Variants in NBEA observed in about 807,000 individuals in gnomAD.
NBEA encodes the protein lysosomal-trafficking regulator 2.
In NBEA, 44 loss-of-function variants were observed where a neutral mutation model predicts 343.4. The ratio of observed to expected loss-of-function variants is 0.13; its 90% CI spans 0.10 to 0.16. NBEA has a LOEUF of 0.16. Ranked by LOEUF, NBEA falls within the 10% of genes least tolerant of loss-of-function variation. The pLI is 1.00. For synonymous variants in NBEA, 1,175 were observed against 1,238.7 expected, an observed-to-expected ratio of 0.95 and a Z score of 1.08; for missense variants, 2,555 against 3,631.3, an observed-to-expected ratio of 0.70 and a Z score of 7.62.
chr13:35,530,054 C>T (rs900645402), intron 41 of NBEA, among the ~76,000 whole-genome samples: 1 of 152,194 alleles, frequency 6.6e-6, no homozygotes, highest in Admixed American at 6.5e-5. Flanking sequence ...TTTCTTTACT[C>T]TGTGTTCATA....
chr13:35,066,261 A>C (rs1190202982), intron 8 of NBEA, among the ~76,000 whole-genome samples: 3 of 152,192 alleles, frequency 2.0e-5, no homozygotes, highest in South Asian at 4.1e-4. Flanking sequence ...GAGCCCAGCT[A>C]TGTGTACTTT....
intron 49 of NBEA, among the ~76,000 whole-genome samples, chr13:35,634,174 C>A (rs2083594375): frequency 6.6e-6 from 1 of 152,094 alleles, no homozygotes; most frequent in African/African-American, 2.4e-5. Context: ...GAAACCCCAT[C>A]TCTACTAAAA....
chr13:35,523,544 G>A (rs1236495961), intron 41 of NBEA, among the ~76,000 whole-genome samples: 1 of 152,152 alleles, frequency 6.6e-6, no homozygotes, highest in African/African-American at 2.4e-5. Flanking sequence ...AGCTTAAAGT[G>A]GGAATTATGA....
chr13:35,314,511 C>G (rs1034067670), intron 36 of NBEA, among the ~76,000 whole-genome samples: 2 of 152,034 alleles, frequency 1.3e-5, no homozygotes, highest in African/African-American at 4.8e-5. Context: ...CAATTTTTCC[C>G]TGATTTATAT....
intron 38 of NBEA, among the ~76,000 whole-genome samples, chr13:35,426,873 C>T (rs1398219002): frequency 6.6e-6 from 1 of 152,128 alleles, no homozygotes; most frequent in East Asian, 1.9e-4. Context: ...CTAAACTTCT[C>T]GCTTCATTTC....
intron 11 of NBEA, among the ~76,000 whole-genome samples, chr13:35,102,585 A>G (rs1336473652): frequency 6.6e-6 from 1 of 151,516 alleles, no homozygotes; most frequent in Non-Finnish European, 1.5e-5. Context: ...TGTCTTTTTG[A>G]TGGATTTATT....
chr13:35,192,669 ACTAT>A (rs1184971807), intron 30 of NBEA, among the ~76,000 whole-genome samples: 2 of 151,994 alleles, frequency 1.3e-5, no homozygotes, highest in African/African-American at 4.8e-5. Flanking sequence ...TGAAGTTTCA[ACTAT>A]CTAGTTAGAA....
chr13:35,304,663 T>G (rs1435480824), intron 35 of NBEA, among the ~76,000 whole-genome samples: 2 of 152,198 alleles, frequency 1.3e-5, no homozygotes, highest in African/African-American at 4.8e-5. Flanking sequence ...TTTGACAGTC[T>G]GTTACCCTGC....
intron 1 of NBEA, among the ~76,000 whole-genome samples, chr13:34,945,942 C>G (rs773037303): frequency 2.6e-5 from 4 of 152,080 alleles, no homozygotes; most frequent in Non-Finnish European, 5.9e-5. Flanking sequence ...TCCCAAAGGT[C>G]TAGAGACCTA....
intron 1 of NBEA, among the ~76,000 whole-genome samples, chr13:34,998,903 T>G (rs1844346163): frequency 6.6e-6 from 1 of 152,120 alleles, no homozygotes; most frequent in African/African-American, 2.4e-5. Flanking sequence ...GGGGAAGTGA[T>G]AAGTGTCCAT....
chr13:35,074,485 A>G (rs2064023347), intron 10 of NBEA, among the ~76,000 whole-genome samples: 1 of 152,198 alleles, frequency 6.6e-6, no homozygotes, highest in Admixed American at 6.6e-5. Context: ...CAAACAATTA[A>G]AAATACACCA....
rs187498862 is a variant in NBEA at position 35,160,130 on chromosome 13, A to G, written c.3861+98A>G. The G allele has an allele frequency of 9.7e-5, 106 of 1,093,228 alleles. No individual in the cohort carries two copies. In the East Asian group the frequency reaches 1.4e-3, roughly 15 times the overall value. 67.7% of individuals were successfully genotyped at this position (1,093,228 alleles called of 1,614,324 possible). ...ATTTCTTATCAGTTACTTCATGTTT[A>G]TATTGAATTATAGTATAATAGTAAT... On this transcript the variant is annotated intron_variant, in intron 22 of 58. Transcript: ENST00000379939.
intron 38 of NBEA, among the ~76,000 whole-genome samples, chr13:35,425,458 T>G (rs1276145976): frequency 6.6e-6 from 1 of 152,182 alleles, no homozygotes; most frequent in Non-Finnish European, 1.5e-5. Flanking sequence ...TGAGCGGTTT[T>G]GAGTGAGTTT....
chr13:35,425,586 A>G (rs2044609365), intron 38 of NBEA, among the ~76,000 whole-genome samples: 1 of 152,118 alleles, frequency 6.6e-6, no homozygotes, highest in Non-Finnish European at 1.5e-5. Context: ...CAATTTTGGA[A>G]TAGGTGTGGT....
At chr13:35,406,073 G>A (rs920389992) in intron 38 of NBEA, among the ~76,000 whole-genome samples, 1 of 152,046 alleles carries the variant, frequency 6.6e-6, no homozygotes, top group African/African-American at 2.4e-5. Context: ...TGTTAAAGAC[G>A]CGAAGAGTGA....
intron 39 of NBEA, among the ~76,000 whole-genome samples, chr13:35,442,090 A>C (rs1168374456): frequency 6.6e-6 from 1 of 152,142 alleles, no homozygotes; most frequent in African/African-American, 2.4e-5. Flanking sequence ...TGCTCATTAT[A>C]GGAAATACCA....
intron 10 of NBEA, among the ~76,000 whole-genome samples, chr13:35,094,004 A>G (rs866975796): frequency 6.6e-6 from 1 of 151,794 alleles, no homozygotes; most frequent in Non-Finnish European, 1.5e-5. Flanking sequence ...AGAGATTTAT[A>G]ATGATTTTTT....
chr13:35,447,093 C>A (rs2046087800), intron 39 of NBEA, among the ~76,000 whole-genome samples: 1 of 151,974 alleles, frequency 6.6e-6, no homozygotes, highest in South Asian at 2.1e-4. Flanking sequence ...ATTTTTCTTA[C>A]ATTAATTGTT....
chr13:35,214,990 C>A (rs2073985963), intron 33 of NBEA, among the ~76,000 whole-genome samples: 2 of 105,384 alleles, frequency 1.9e-5, no homozygotes, highest in Admixed American at 1.9e-4. Flanking sequence ...AGATCTATTT[C>A]TAGACTCCAT....
Sources: allele counts gnomAD v4.1 joint callset (sites outside exome capture counted in the v4.1 genomes callset), GRCh38; gene constraint gnomAD v4.1.1; transcripts MANE v1.5; gene names NCBI Gene and HGNC (gene_info 2026-07-23, HGNC 2026-07-21).